The following ERICH3 variants were observed in gnomAD, a reference collection of about 807,000 sequenced individuals.
ERICH3 encodes glutamate rich 3.
Under a neutral mutation model 131.1 loss-of-function variants are expected in ERICH3, and 126 were observed. That is an observed-to-expected ratio of 0.96 (90% CI 0.83 to 1.11). The LOEUF (loss-of-function observed/expected upper bound fraction) is 1.11. Ranked by LOEUF, ERICH3 falls within the 50% of genes most tolerant of loss-of-function variation. The pLI is 0.00. For missense variants in ERICH3, 2,050 were observed against 1,810.7 expected (o/e 1.13, Z -2.40); for synonymous variants, 695 against 644.6 (o/e 1.08, Z -1.18).
At position 74,634,564 on chromosome 1, in the gene ERICH3, C is replaced by T. The variant is rs12038522; in HGVS notation, c.603+1716G>A. ...AAAAATTGCTCCCCAGCCAGCAGAG[C>T]TTAAATAATACCTGATTGATGGTGT... On this transcript the variant is annotated intron_variant, in intron 6 of 14. Coordinates refer to ENST00000326665, the MANE Select transcript of ERICH3 (RefSeq NM_001002912.5). 855 of 653,758 alleles carry T rather than the reference C, an allele frequency of 1.3e-3. 14 individuals carry two copies. The East Asian group carries it at 0.021, about 16-fold the overall frequency. 40.5% of individuals were successfully genotyped at this position (653,758 alleles called of 1,614,324 possible).
chr1:74,670,313 C>T (rs1646729321), intron 1 of ERICH3, among the ~76,000 whole-genome samples: 1 of 152,034 alleles, frequency 6.6e-6, no homozygotes, highest in Non-Finnish European at 1.5e-5. Flanking sequence ...CTGCACATCT[C>T]AGTTGTTGAC....
At chr1:74,621,724 T>C (rs1649228090) in intron 7 of ERICH3, 1 of 152,158 alleles carries the variant, frequency 6.6e-6, no homozygotes. Context: ...TCCTAATTAA[T>C]TGTTTGAAAT....
rs143453759 is a variant in ERICH3, at chr1:74,572,732, C to T, written c.2978G>A (p.Arg993His). The T allele has an allele frequency of 3.7e-6, 6 of 1,613,774 alleles. No homozygotes were observed. The highest frequency in any genetic ancestry group is 5.1e-6 in the Non-Finnish European group (6 of 1,179,968). Residue 993 changes from arginine to histidine, a missense_variant, in exon 14 of 15, where the codon CGC (arginine) becomes CAC (histidine). Physicochemically the swap from Arg to His is conservative, Grantham distance 29. Coordinates refer to ENST00000326665, the MANE Select transcript of ERICH3 (RefSeq NM_001002912.5). ...ERKEVMRTET[R>H]LSPFTGEAEA... The stretch of plus-strand genomic sequence containing the variant: ...TGCCTCTCCTGTGAAGGGGCTCAAG[C>T]GTGTTTCTGTTCTCATAACCTCTTT...
chr1:74,568,810 A>G lies in ERICH3; in HGVS notation c.*1648T>C, dbSNP rs1646902300. ...GCTTTCCAACTGAGACTAATCCTCA[A>G]TACAATCAATAGTCCATGACAGCAG... is the stretch of plus-strand genomic sequence containing the variant. On this transcript the variant is annotated 3_prime_UTR_variant, in exon 15 of 15. Transcript: ENST00000326665. The G allele has an allele frequency of 6.6e-6, 1 of 152,202 alleles. No homozygotes were observed. The highest frequency in any genetic ancestry group is 2.1e-4 in the South Asian group (1 of 4,830). 9.4% of individuals were successfully genotyped at this position (152,202 alleles called of 1,614,324 possible).
In ERICH3 at chr1:74,649,246, C is replaced by T. The variant is rs749763753; in HGVS notation, c.93G>A (p.Arg31=). 1.9e-6 allele frequency: 3 copies of T among 1,611,792 alleles called. No homozygotes were observed. The highest frequency in any genetic ancestry group is 1.7e-5 in the Admixed American group (1 of 59,890). Residue 31 remains arginine (R), a synonymous_variant, in exon 2 of 15, where the codon AGG becomes AGA. Transcript: ENST00000326665. The part of the protein sequence containing the change: ...LAGYFNNTRI[R]RHLLRSGLIT... ...CCAGTCCTGATCTTAAGAGATGACG[C>T]CTTATCCTTGTATTGTTAAAATACC...
Position 74,620,734 on chromosome 1 carries a change from C to A in ERICH3, c.1000G>T (p.Glu334Ter). 1 of 1,594,514 alleles carries A rather than the reference C, an allele frequency of 6.3e-7. No homozygotes were observed. Residue 334 changes from glutamate (E) to a stop codon, truncating the protein, a stop_gained and splice_region_variant, in exon 8 of 15, where the codon GAG (glutamate) becomes TAG (stop). Coordinates refer to ENST00000326665, the MANE Select transcript of ERICH3 (RefSeq NM_001002912.5). LOFTEE classifies it high-confidence loss of function. The stretch of plus-strand genomic sequence containing the variant: ...AAAAACATTCACATTTTATGTGTAC[C>A]TTTTTCAAGTAGTTTGCCTTTGTAG... ...CVYKGKLLEKETFQFISKRHH... is the reference protein window; with the variant it reads ...CVYKGKLLEK
At chr1:74,656,724 T>A (rs1322907648) in intron 1 of ERICH3, among the ~76,000 whole-genome samples, 1 of 152,196 alleles carries the variant, frequency 6.6e-6, no homozygotes, top group African/African-American at 2.4e-5. Context: ...GCAAACTCCC[T>A]CATTTTACAT....
At chr1:74,609,689 T>C (rs150976260) in intron 9 of ERICH3, among the ~76,000 whole-genome samples, 3 of 152,184 alleles carry the variant, frequency 2.0e-5, no homozygotes, top group Admixed American at 6.6e-5. Context: ...TGCACTGTTC[T>C]ATTCTGGGCA....
At chr1:74,609,139 T>G (rs1455081917) in intron 9 of ERICH3, among the ~76,000 whole-genome samples, 1 of 152,050 alleles carries the variant, frequency 6.6e-6, no homozygotes, top group Non-Finnish European at 1.5e-5. Flanking sequence ...TTCCCAAGTT[T>G]CATGCTAGCA....
At chr1:74,594,378 C>G (rs1647750939) in intron 11 of ERICH3, among the ~76,000 whole-genome samples, 1 of 151,460 alleles carries the variant, frequency 6.6e-6, no homozygotes, top group African/African-American at 2.4e-5. Flanking sequence ...ACCAAGGGCA[C>G]CAGCCACACA....
At chr1:74,657,818 T>A (rs867012478) in intron 1 of ERICH3, among the ~76,000 whole-genome samples, 1 of 152,114 alleles carries the variant, frequency 6.6e-6, no homozygotes, top group Non-Finnish European at 1.5e-5. Flanking sequence ...TGCTTTCATA[T>A]ACCATGAATT....
At chr1:74,595,974 G>A (rs776714199) in intron 11 of ERICH3, among the ~76,000 whole-genome samples, 12 of 151,904 alleles carry the variant, frequency 7.9e-5, no homozygotes, top group Non-Finnish European at 1.3e-4. Context: ...GAAGTCCAAC[G>A]GTGCGTCTCA....
intron 5 of ERICH3, 22 bp from the exon 6 acceptor site, chr1:74,636,460 TTCC>T (rs1557694434): frequency 6.3e-7 from 1 of 1,588,120 alleles, no homozygotes; most frequent in Admixed American, 1.8e-5. Flanking sequence ...GGGGAAAAAA[TTCC>T]ATTTAAATTA....
intron 1 of ERICH3, among the ~76,000 whole-genome samples, chr1:74,654,442 C>T (rs932544739): frequency 1.3e-5 from 2 of 151,940 alleles, no homozygotes; most frequent in Non-Finnish European, 1.5e-5. Flanking sequence ...TGGGGCTGCT[C>T]TAACAGAATA....
intron 8 of ERICH3, among the ~76,000 whole-genome samples, chr1:74,614,663 T>G: frequency 7.0e-6 from 1 of 142,624 alleles, no homozygotes. Context: ...GGAGTGAGAG[T>G]GAGACTCCGT....
At chr1:74,632,828 A>T (rs913978333) in intron 6 of ERICH3, among the ~76,000 whole-genome samples, 4 of 151,986 alleles carry the variant, frequency 2.6e-5, no homozygotes, top group Admixed American at 2.6e-4. Flanking sequence ...GGCTACCTTT[A>T]GGGATATACC....
intron 10 of ERICH3, among the ~76,000 whole-genome samples, chr1:74,603,136 C>T (rs1648223941): frequency 6.6e-6 from 1 of 151,842 alleles, no homozygotes; most frequent in African/African-American, 2.4e-5. Context: ...CCACAGGTAC[C>T]CCAACCCATG....
intron 6 of ERICH3, chr1:74,634,549 C>T: frequency 1.7e-6 from 1 of 606,014 alleles, no homozygotes; most frequent in Non-Finnish European, 3.0e-6. Flanking sequence ...AAAAATTGCT[C>T]CCCAGCCAGC....
chr1:74,634,816 T>G (rs1646373917), intron 6 of ERICH3: 1 of 602,664 alleles, frequency 1.7e-6, no homozygotes, highest in South Asian at 2.2e-5. Flanking sequence ...TTCTGGTACC[T>G]TTGGCTAGCC....
Sources: allele counts gnomAD v4.1 joint callset (sites outside exome capture counted in the v4.1 genomes callset), GRCh38; gene constraint gnomAD v4.1.1; transcripts MANE v1.5; gene names NCBI Gene and HGNC (gene_info 2026-07-23, HGNC 2026-07-21).